ADGRB3: variants seen among roughly 807,000 people sequenced by gnomAD.
ADGRB3 encodes adhesion G protein-coupled receptor B3, also known as brain-specific angiogenesis inhibitor 3.
In ADGRB3, 37 loss-of-function variants were observed where a neutral mutation model predicts 193.4. That is an observed-to-expected ratio of 0.19 (90% CI 0.15 to 0.25). The LOEUF (loss-of-function observed/expected upper bound fraction) is 0.25. Among genes scored for constraint, ADGRB3 ranks in the 10% least tolerant of loss-of-function variants. The pLI, the probability that ADGRB3 is intolerant of heterozygous loss-of-function variation, is 1.00. For missense variants in ADGRB3, 1,637 were observed against 1,852.9 expected (o/e 0.88, Z 2.14); for synonymous variants, 690 against 644.2 (o/e 1.07, Z -1.08).
chr6:68,939,071 T>C (rs918572875), intron 5 of ADGRB3, among the ~76,000 whole-genome samples: 9 of 152,176 alleles, frequency 5.9e-5, no homozygotes, highest in Admixed American at 3.3e-4. Flanking sequence ...GCCTTCCTTC[T>C]ACCAGAGACC....
chr6:68,767,492 C>T (rs1054212978), intron 3 of ADGRB3, among the ~76,000 whole-genome samples: 2 of 152,100 alleles, frequency 1.3e-5, no homozygotes, highest in Non-Finnish European at 2.9e-5. Context: ...ATTCAACACC[C>T]CTTCATGCTA....
At chr6:68,718,868 C>A (rs992422237) in intron 3 of ADGRB3, among the ~76,000 whole-genome samples, 3 of 151,750 alleles carry the variant, frequency 2.0e-5, no homozygotes, top group Non-Finnish European at 4.4e-5. Flanking sequence ...AACACAGCCA[C>A]GTCTATTTGA....
chr6:69,104,730 G>T (rs1773162337), intron 17 of ADGRB3, among the ~76,000 whole-genome samples: 2 of 151,850 alleles, frequency 1.3e-5, no homozygotes, highest in Non-Finnish European at 2.9e-5. Flanking sequence ...TTTCCTATTT[G>T]CTCAATAATT....
chr6:68,866,414 A>G (rs749747544), intron 3 of ADGRB3, among the ~76,000 whole-genome samples: 2 of 152,198 alleles, frequency 1.3e-5, no homozygotes, highest in East Asian at 1.9e-4. Flanking sequence ...CTCTCCAGCC[A>G]TGCAGAACTT....
chr6:68,738,774 AT>A (rs1765921781), intron 3 of ADGRB3, among the ~76,000 whole-genome samples: 1 of 152,200 alleles, frequency 6.6e-6, no homozygotes, highest in Non-Finnish European at 1.5e-5. Context: ...TGTGATGTAT[AT>A]TTCACATTCA....
chr6:68,800,760 A>C (rs1317665178), intron 3 of ADGRB3, among the ~76,000 whole-genome samples: 1 of 152,142 alleles, frequency 6.6e-6, no homozygotes, highest in African/African-American at 2.4e-5. Flanking sequence ...CTAGTTCACA[A>C]ATTAGGAGTT....
intron 3 of ADGRB3, among the ~76,000 whole-genome samples, chr6:68,850,294 G>C (rs1247810289): frequency 2.0e-5 from 3 of 151,848 alleles, no homozygotes; most frequent in Non-Finnish European, 2.9e-5. Flanking sequence ...GGGCACCTGA[G>C]TATAGTTATC....
Position 68,891,828 on chromosome 6 carries a change from G to A in ADGRB3, c.758-38731G>A, listed in dbSNP as rs115517288. Among the ~76,000 whole-genome samples the A allele has an allele frequency of 6.8e-3, 1,036 of 152,222 alleles. 18 individuals carry two copies. The highest frequency in any genetic ancestry group is 0.022 in the African/African-American group (922 of 41,534). On this transcript the variant is annotated intron_variant, in intron 3 of 31. Coordinates refer to ENST00000370598, the MANE Select transcript of ADGRB3 (RefSeq NM_001704.3). ...AGAGAAGTGGTCATAGAATAGTCAG[G>A]AAAGTGAGGAATGAAGATGACAGAG... is the stretch of plus-strand genomic sequence containing the variant.
chr6:68,787,114 C>T (rs1240140501), intron 3 of ADGRB3, among the ~76,000 whole-genome samples: 1 of 152,150 alleles, frequency 6.6e-6, no homozygotes, highest in Non-Finnish European at 1.5e-5. Flanking sequence ...GACAATTTGA[C>T]TTCCTCTTTT....
chr6:68,894,756 G>A (rs1279352140), intron 3 of ADGRB3, among the ~76,000 whole-genome samples: 2 of 151,906 alleles, frequency 1.3e-5, no homozygotes, highest in African/African-American at 2.4e-5. Flanking sequence ...AGGAACATGC[G>A]GTGAGCCCAG....
chr6:69,196,649 T>A (rs1341141332), intron 17 of ADGRB3, among the ~76,000 whole-genome samples: 1 of 152,104 alleles, frequency 6.6e-6, no homozygotes, highest in Non-Finnish European at 1.5e-5. Context: ...CTTAATCACC[T>A]CTATTAAAAA....
intron 17 of ADGRB3, among the ~76,000 whole-genome samples, chr6:69,136,523 A>G (rs760622324): frequency 5.3e-5 from 8 of 152,118 alleles, no homozygotes; most frequent in Non-Finnish European, 1.0e-4. Context: ...ATTTAATATT[A>G]AATTCATCAT....
intron 19 of ADGRB3, among the ~76,000 whole-genome samples, chr6:69,236,999 T>G (rs1561962140): frequency 6.6e-6 from 1 of 151,940 alleles, no homozygotes; most frequent in Non-Finnish European, 1.5e-5. Context: ...ATATTCATAG[T>G]TTGAAAGAAG....
chr6:68,721,005 G>A (rs1582146402), intron 3 of ADGRB3, among the ~76,000 whole-genome samples: 1 of 151,812 alleles, frequency 6.6e-6, no homozygotes, highest in Non-Finnish European at 1.5e-5. Context: ...TGGAGAAATA[G>A]GAACACATTT....
chr6:69,230,632 T>G (rs1241992972), intron 17 of ADGRB3, among the ~76,000 whole-genome samples: 1 of 152,212 alleles, frequency 6.6e-6, no homozygotes, highest in Non-Finnish European at 1.5e-5. Flanking sequence ...CTCATGAGTT[T>G]TATATGATTT....
Position 69,342,473 on chromosome 6 carries a change from A to G in ADGRB3, c.3459+2969A>G, listed in dbSNP as rs538139390. ...AAGATTTCATTTAAACACCTTATTT[A>G]GAAGGATTTTACAGATCCCAAGGAA... On this transcript the variant is annotated intron_variant, in intron 26 of 31. Coordinates refer to ENST00000370598, the MANE Select transcript of ADGRB3 (RefSeq NM_001704.3). 1.3e-4 allele frequency among the ~76,000 whole-genome samples: 20 copies of G among 152,254 alleles called. No homozygotes were observed. In the South Asian group the frequency reaches 2.3e-3, roughly 17 times the overall value.
At chr6:68,977,912 C>A (rs1175767590) in intron 10 of ADGRB3, among the ~76,000 whole-genome samples, 1 of 149,688 alleles carries the variant, frequency 6.7e-6, no homozygotes, top group Admixed American at 6.7e-5. Context: ...AACCTAATCT[C>A]TTTTCTTTAG....
intron 3 of ADGRB3, among the ~76,000 whole-genome samples, chr6:68,847,698 C>T (rs1165510184): frequency 1.3e-5 from 2 of 152,046 alleles, no homozygotes; most frequent in African/African-American, 4.8e-5. Flanking sequence ...TTCCCAGTCT[C>T]GGGTATGTCT....
chr6:68,877,030 A>G (rs1387942815), intron 3 of ADGRB3, among the ~76,000 whole-genome samples: 2 of 152,014 alleles, frequency 1.3e-5, no homozygotes, highest in Non-Finnish European at 2.9e-5. Flanking sequence ...CATCTTATAA[A>G]TCATCTTTTT....
Sources: allele counts gnomAD v4.1 joint callset (sites outside exome capture counted in the v4.1 genomes callset), GRCh38; gene constraint gnomAD v4.1.1; transcripts MANE v1.5; gene names NCBI Gene and HGNC (gene_info 2026-07-23, HGNC 2026-07-21).